The following CEMIP variants were observed in gnomAD, a reference collection of about 807,000 sequenced individuals.
CEMIP encodes cell migration-inducing and hyaluronan-binding protein.
CEMIP carries 105 observed loss-of-function variants against 156.9 expected under a neutral mutation model. That is an observed-to-expected ratio of 0.67 (90% CI 0.57 to 0.79). The LOEUF (loss-of-function observed/expected upper bound fraction) is 0.79. CEMIP is among the 30% of genes least tolerant of loss of function. The pLI is 0.00. For synonymous variants in CEMIP, 676 were observed against 668.4 expected, an observed-to-expected ratio of 1.01 and a Z score of -0.17; for missense variants, 1,457 against 1,769.4, an observed-to-expected ratio of 0.82 and a Z score of 3.17.
chr15:80,928,603 G>A (rs1900784267), intron 19 of CEMIP, among the ~76,000 whole-genome samples: 1 of 152,186 alleles, frequency 6.6e-6, no homozygotes, highest in Non-Finnish European at 1.5e-5. Context: ...AGAGGATGGG[G>A]CTGGAGAGGG....
At chr15:80,837,244 AGTGAT>A (rs1392881938) in intron 1 of CEMIP, among the ~76,000 whole-genome samples, 3 of 152,082 alleles carry the variant, frequency 2.0e-5, no homozygotes, top group African/African-American at 7.2e-5. Context: ...GATGGGGGAG[AGTGAT>A]GTCATACCAG....
chr15:80,873,812 T>G, intron 2 of CEMIP, 52 bp from the exon 3 acceptor site: 1 of 1,352,188 alleles, frequency 7.4e-7, no homozygotes, highest in Non-Finnish European at 1.0e-6. Context: ...CCCTGTATAC[T>G]GATTCCAGCC....
At chr15:80,837,984 C>A (rs115770743) in intron 1 of CEMIP, among the ~76,000 whole-genome samples, 1 of 152,322 alleles carries the variant, frequency 6.6e-6, no homozygotes, top group African/African-American at 2.4e-5. Context: ...CCATGGACTC[C>A]TACCAATGCA....
intron 1 of CEMIP, among the ~76,000 whole-genome samples, chr15:80,785,247 G>GTT (rs2141561628): frequency 6.6e-6 from 1 of 152,316 alleles, no homozygotes; most frequent in African/African-American, 2.4e-5. Flanking sequence ...GAGAATGGAT[G>GTT]TTTACATTTA....
intron 6 of CEMIP, among the ~76,000 whole-genome samples, chr15:80,883,796 T>C (rs1175041519): frequency 6.6e-6 from 1 of 152,124 alleles, no homozygotes; most frequent in Non-Finnish European, 1.5e-5. Context: ...AACTATCTCC[T>C]AAAGTCAGGC....
chr15:80,910,391 T>C (rs889961255), intron 14 of CEMIP, among the ~76,000 whole-genome samples: 1 of 152,212 alleles, frequency 6.6e-6, no homozygotes, highest in Non-Finnish European at 1.5e-5. Context: ...ACTCCTTTCA[T>C]TGCCTGCTGG....
chr15:80,940,759 C>T (rs1198934795), intron 25 of CEMIP, among the ~76,000 whole-genome samples: 1 of 152,214 alleles, frequency 6.6e-6, no homozygotes, highest in Non-Finnish European at 1.5e-5. Context: ...GGCTCAGGTG[C>T]TGACAGCAAC....
At chr15:80,925,554 C>A (rs372064253) in intron 18 of CEMIP, 70 bp from the exon 19 acceptor site, 5 of 1,594,334 alleles carry the variant, frequency 3.1e-6, no homozygotes, top group East Asian at 4.5e-5. Flanking sequence ...GCTCACAGAG[C>A]CCAGAAGGGA....
intron 7 of CEMIP, 69 bp from the exon 8 acceptor site, chr15:80,887,625 C>A (rs1195301870): frequency 2.4e-6 from 3 of 1,235,310 alleles, no homozygotes; most frequent in African/African-American, 3.0e-5. Flanking sequence ...CTGCCCCATC[C>A]CCCCACACTC....
At chr15:80,836,976 C>G (rs532264517) in intron 1 of CEMIP, among the ~76,000 whole-genome samples, 33 of 152,284 alleles carry the variant, frequency 2.2e-4, no homozygotes, top group African/African-American at 7.7e-4. Flanking sequence ...TAATTTCTCC[C>G]CAGTCCCTAG....
intron 13 of CEMIP, among the ~76,000 whole-genome samples, chr15:80,908,707 T>A (rs1209506130): frequency 6.6e-6 from 1 of 152,284 alleles, no homozygotes; most frequent in East Asian, 1.9e-4. Context: ...GTAACCTGGA[T>A]TCCCCATGGT....
chr15:80,881,023 T>TAAG lies in CEMIP; in HGVS notation c.504_505insAAG (p.Leu168_His169insLys). The TAAG allele has an allele frequency of 1.2e-6, 2 of 1,614,204 alleles. No individual in the cohort carries two copies. Among genetic ancestry groups the TAAG allele is most frequent in the Non-Finnish European group, 1.7e-6 (2 of 1,180,030 alleles). ...CCTGGACATTTCTGAACAAGACCCTTCACCCAGGTGGCATGGCAGAAGGAG... is the reference window on the plus strand; with the variant it reads ...CCTGGACATTTCTGAACAAGACCCTTAAGCACCCAGGTGGCATGGCAGAAGGAG... On this transcript the variant is annotated inframe_insertion, in exon 6 of 30. Coordinates refer to ENST00000394685, the MANE Select transcript of CEMIP (RefSeq NM_001293298.2).
chr15:80,917,325 C>A (rs949508552), intron 14 of CEMIP, among the ~76,000 whole-genome samples: 2 of 151,814 alleles, frequency 1.3e-5, no homozygotes, highest in African/African-American at 4.8e-5. Flanking sequence ...AGGCAAGAGG[C>A]CTGAGTTTGA....
In CEMIP at chr15:80,889,484, G is replaced by C. The variant is rs534990017; in HGVS notation, c.978G>C (p.Thr326=). ...CTTTCTGCCTAGACGTGGAGTGGAC[G>C]GAGTGGTTCGATCATGATAAAGTAT... ...SSEWVQDVEW[T]EWFDHDKVSQ... The change falls in exon 10 of 30, where the codon ACG becomes ACC. Residue 326 remains threonine, a synonymous_variant. Coordinates refer to ENST00000394685, the MANE Select transcript of CEMIP (RefSeq NM_001293298.2). 6.2e-7 allele frequency: 1 copy of C among 1,613,950 alleles called. No individual in the cohort carries two copies. Among genetic ancestry groups the C allele is most frequent in the Non-Finnish European group, 8.5e-7 (1 of 1,179,978 alleles).
chr15:80,830,226 A>G (rs1897130198), intron 1 of CEMIP, among the ~76,000 whole-genome samples: 2 of 152,180 alleles, frequency 1.3e-5, no homozygotes, highest in African/African-American at 2.4e-5. Context: ...TCATTGGCTC[A>G]GCATTTTGTA....
chr15:80,850,589 T>G (rs1193331681), intron 1 of CEMIP, among the ~76,000 whole-genome samples: 3 of 152,172 alleles, frequency 2.0e-5, no homozygotes, highest in South Asian at 2.1e-4. Flanking sequence ...ATCTTCTTGT[T>G]ATTTTCCCAA....
intron 14 of CEMIP, among the ~76,000 whole-genome samples, chr15:80,919,288 G>A (rs1439963102): frequency 2.0e-5 from 3 of 152,186 alleles, no homozygotes; most frequent in Non-Finnish European, 4.4e-5. Flanking sequence ...GCTGCTCCTA[G>A]ATGAAGTTCC....
rs1379783375 is a variant in CEMIP at position 80,880,932 on chromosome 15, A to G, written c.413A>G (p.Tyr138Cys). 4 of 1,614,040 alleles carry G rather than the reference A, an allele frequency of 2.5e-6. No individual in the cohort carries two copies. The highest frequency in any genetic ancestry group is 3.4e-6 in the Non-Finnish European group (4 of 1,180,022). ...ADEGIQPDPY[Y>C]GLKYIGVGKG... ...GAAGGTATTCAGCCGGATCCTTACT[A>G]TGGTCTGAAGTACATTGGGGTTGGT... Residue 138 changes from tyrosine to cysteine, a missense_variant, in exon 6 of 30, where the codon TAT becomes TGT. Physicochemically the swap from Tyr to Cys is radical, Grantham distance 194. Transcript: ENST00000394685.
At chr15:80,827,837 A>G (rs929173563) in intron 1 of CEMIP, among the ~76,000 whole-genome samples, 2 of 152,178 alleles carry the variant, frequency 1.3e-5, no homozygotes, top group Non-Finnish European at 2.9e-5. Flanking sequence ...GGAATTCCCA[A>G]GCTGGCAAAA....
Sources: gnomAD v4.1 joint callset for allele counts (sites outside exome capture counted in the v4.1 genomes callset) on GRCh38, gnomAD v4.1.1 for gene constraint, MANE v1.5 for transcripts, NCBI Gene and HGNC (gene_info 2026-07-23, HGNC 2026-07-21) for gene names.